FOXP2: variants seen among roughly 807,000 people sequenced by gnomAD.
FOXP2 encodes the protein forkhead box P2, also known as forkhead box protein P2.
Under a neutral mutation model 115.8 loss-of-function variants are expected in FOXP2, and 12 were observed. The ratio of observed to expected loss-of-function variants is 0.10; its 90% CI spans 0.07 to 0.17. The LOEUF is 0.17. Among genes scored for constraint, FOXP2 ranks in the 10% least tolerant of loss-of-function variants. The pLI, the probability that FOXP2 is intolerant of heterozygous loss-of-function variation, is 1.00. For synonymous variants in FOXP2, 328 were observed against 297.7 expected, an observed-to-expected ratio of 1.10 and a Z score of -1.05; for missense variants, 629 against 843.5, an observed-to-expected ratio of 0.75 and a Z score of 3.15.
chr7:114,131,261 G>A (rs1562974312), intron 1 of FOXP2, among the ~76,000 whole-genome samples: 1 of 152,128 alleles, frequency 6.6e-6, no homozygotes, highest in Non-Finnish European at 1.5e-5. Context: ...CCATCAGTAT[G>A]GAAGAGTCCA....
chr7:114,548,549 T>A (rs1484316723), intron 3 of FOXP2, among the ~76,000 whole-genome samples: 3 of 152,252 alleles, frequency 2.0e-5, no homozygotes, highest in Non-Finnish European at 4.4e-5. Context: ...TTTGTTTGTT[T>A]GTTTTCTAGG....
intron 1 of FOXP2, among the ~76,000 whole-genome samples, chr7:114,205,910 T>C (rs1794190237): frequency 6.6e-6 from 1 of 152,172 alleles, no homozygotes; most frequent in Non-Finnish European, 1.5e-5. Context: ...GGGCAACATA[T>C]CACAGCATCC....
intron 2 of FOXP2, among the ~76,000 whole-genome samples, chr7:114,464,135 A>T (rs1476755916): frequency 6.6e-6 from 1 of 152,188 alleles, no homozygotes; most frequent in Non-Finnish European, 1.5e-5. Context: ...GAGGTTTGTG[A>T]AACTGCAGTC....
chr7:114,416,779 T>C (rs2129200557), intron 1 of FOXP2, among the ~76,000 whole-genome samples: 1 of 152,110 alleles, frequency 6.6e-6, no homozygotes, highest in South Asian at 2.1e-4. Flanking sequence ...AGAGGTTTAA[T>C]GATTAGCCTG....
At chr7:114,645,875 C>G (rs1257478766) in intron 8 of FOXP2, 1 of 151,900 alleles carries the variant, frequency 6.6e-6, no homozygotes, top group Non-Finnish European at 1.5e-5. Context: ...TTTATCATTT[C>G]TAACTAATTA....
chr7:114,238,787 A>G (rs1352527401), intron 1 of FOXP2, among the ~76,000 whole-genome samples: 1 of 151,996 alleles, frequency 6.6e-6, no homozygotes, highest in Non-Finnish European at 1.5e-5. Flanking sequence ...AAAACCAAAA[A>G]AACAAAAAAC....
intron 1 of FOXP2, among the ~76,000 whole-genome samples, chr7:114,257,283 C>T (rs1007548193): frequency 2.6e-5 from 4 of 151,986 alleles, no homozygotes; most frequent in Non-Finnish European, 4.4e-5. Context: ...ATACCTTATA[C>T]AAAAATTAAC....
chr7:114,573,915 C>T (rs1478399696), intron 3 of FOXP2, among the ~76,000 whole-genome samples: 1 of 151,694 alleles, frequency 6.6e-6, no homozygotes, highest in Admixed American at 6.6e-5. Context: ...ATTATACCAT[C>T]CTTTTTCAGA....
chr7:114,172,821 T>C lies in FOXP2; in HGVS notation c.-102+9733T>C, dbSNP rs76200945. Among the ~76,000 whole-genome samples, 31 of 152,216 alleles carry C rather than the reference T, an allele frequency of 2.0e-4. No homozygotes were observed. In the East Asian group the frequency reaches 5.8e-3, roughly 28 times the overall value. On this transcript the variant is annotated intron_variant, in intron 1 of 17. Transcript: ENST00000634411. ...AGTAGAATTCTGAGAAAAAGTGAGA[T>C]AATTTCAAATTTGATCTGTCAACAT...
intron 2 of FOXP2, among the ~76,000 whole-genome samples, chr7:114,463,947 G>T (rs1250231860): frequency 6.6e-6 from 1 of 152,098 alleles, no homozygotes; most frequent in Non-Finnish European, 1.5e-5. Context: ...GCTCTATTTT[G>T]ACTATATATT....
intron 1 of FOXP2, among the ~76,000 whole-genome samples, chr7:114,233,804 G>C (rs1388660556): frequency 6.6e-6 from 1 of 152,198 alleles, no homozygotes; most frequent in Non-Finnish European, 1.5e-5. Context: ...CTTGATGCCA[G>C]GAGTTTGAGA....
intron 3 of FOXP2, among the ~76,000 whole-genome samples, chr7:114,573,149 C>A (rs1252318388): frequency 6.6e-6 from 1 of 151,774 alleles, no homozygotes. Context: ...CAATTTCATA[C>A]TTCATCTTGG....
intron 3 of FOXP2, among the ~76,000 whole-genome samples, chr7:114,559,433 T>C (rs549156292): frequency 2.6e-5 from 4 of 152,304 alleles, no homozygotes; most frequent in Non-Finnish European, 5.9e-5. Context: ...TATTGGCTTC[T>C]CTACTGCGAT....
chr7:114,346,392 A>C (rs1207362224), intron 2 of FOXP2, among the ~76,000 whole-genome samples: 1 of 151,824 alleles, frequency 6.6e-6, no homozygotes. Flanking sequence ...TGGTATATAG[A>C]CACATTTTTA....
At chr7:114,592,734 A>T (rs1416557204) in intron 3 of FOXP2, among the ~76,000 whole-genome samples, 1 of 152,068 alleles carries the variant, frequency 6.6e-6, no homozygotes, top group African/African-American at 2.4e-5. Flanking sequence ...AAATTCAAGT[A>T]ATATATCTAA....
At chr7:114,102,741 G>A (rs1347320788) in intron 1 of FOXP2, among the ~76,000 whole-genome samples, 1 of 128,764 alleles carries the variant, frequency 7.8e-6, no homozygotes, top group East Asian at 2.1e-4. Context: ...CACCCCAATG[G>A]TTATTCATAT....
chr7:114,455,030 G>GA (rs890017074), intron 2 of FOXP2, among the ~76,000 whole-genome samples: 8 of 150,044 alleles, frequency 5.3e-5, no homozygotes, highest in African/African-American at 1.7e-4. Flanking sequence ...AAAAAAAAAA[G>GA]AAAAAAAAAT....
intron 5 of FOXP2, 101 bp from the exon 6 acceptor site, chr7:114,631,427 A>G: frequency 6.5e-7 from 1 of 1,536,548 alleles, no homozygotes; most frequent in Non-Finnish European, 8.8e-7. Context: ...TGACCAAAAA[A>G]CCCACTCAGG....
At chr7:114,244,670 G>A (rs932499119) in intron 1 of FOXP2, among the ~76,000 whole-genome samples, 4 of 152,018 alleles carry the variant, frequency 2.6e-5, no homozygotes, top group Non-Finnish European at 5.9e-5. Flanking sequence ...TTCTTATAAA[G>A]TTGATATATA....
Sources: allele counts gnomAD v4.1 joint callset (sites outside exome capture counted in the v4.1 genomes callset), GRCh38; gene constraint gnomAD v4.1.1; transcripts MANE v1.5; gene names NCBI Gene and HGNC (gene_info 2026-07-23, HGNC 2026-07-21).